LARP4B: variants seen among roughly 807,000 people sequenced by gnomAD.
The protein encoded by LARP4B is La ribonucleoprotein 4B.
A neutral mutation model predicts 89.8 loss-of-function variants in LARP4B; 12 were observed. The observed-to-expected ratio is 0.13, with a 90% CI of 0.09 to 0.22. The LOEUF is 0.22. LARP4B is among the 10% of genes least tolerant of loss of function. LARP4B has a pLI of 1.00. For missense variants in LARP4B, 757 were observed against 947.7 expected, an observed-to-expected ratio of 0.80 and a Z score of 2.64; for synonymous variants, 367 against 363.3, an observed-to-expected ratio of 1.01 and a Z score of -0.12.
chr10:896,287 A>T (rs1280851366), intron 1 of LARP4B, among the ~76,000 whole-genome samples: 2 of 152,220 alleles, frequency 1.3e-5, no homozygotes, highest in Admixed American at 6.5e-5. Context: ...TTTCACTCTT[A>T]TTCTCTCCTC....
intron 3 of LARP4B, among the ~76,000 whole-genome samples, chr10:882,119 T>TGGGCTGGGGGG (rs1835691730): frequency 6.6e-6 from 1 of 151,730 alleles, no homozygotes; most frequent in African/African-American, 2.4e-5. Flanking sequence ...GGGCTGGGGG[T>TGGGCTGGGGGG]TTAATGGGGT....
Position 814,431 on chromosome 10 carries a change from A to C in LARP4B, c.1929+311T>G, listed in dbSNP as rs1831911838. ...CACGCAAACATACACACACGCGCGA[A>C]ATGCTGAAATGATCCTAAAGTCTAT... is the stretch of plus-strand genomic sequence containing the variant. On this transcript the variant is annotated intron_variant, in intron 17 of 17. Coordinates refer to ENST00000316157, the MANE Select transcript of LARP4B (RefSeq NM_015155.3). The surrounding 1 kb of genome is among the most constrained non-coding windows in gnomAD (Gnocchi z 4.4). 1 of 425,470 alleles carries C rather than the reference A, an allele frequency of 2.4e-6. No individual in the cohort carries two copies. Among genetic ancestry groups the C allele is most frequent in the Non-Finnish European group, 4.6e-6 (1 of 219,236 alleles). The allele number at this position is 425,470 out of a possible 1,614,324, so 26.4% of individuals were successfully genotyped here.
chr10:807,264 A>G (rs994313564), downstream of LARP4B: 1 of 152,292 alleles, frequency 6.6e-6, no homozygotes, highest in Non-Finnish European at 1.5e-5. Flanking sequence ...GCGGCTGCCC[A>G]CACTTGTAAG....
At chr10:868,408 ACAG>A (rs1207592473) in intron 3 of LARP4B, among the ~76,000 whole-genome samples, 3 of 151,536 alleles carry the variant, frequency 2.0e-5, no homozygotes, top group African/African-American at 7.3e-5. Context: ...GACACCTGTA[ACAG>A]CACTTTGAAA....
At chr10:847,551 C>T (rs1186888175) in intron 5 of LARP4B, among the ~76,000 whole-genome samples, 1 of 151,362 alleles carries the variant, frequency 6.6e-6, no homozygotes, top group Non-Finnish European at 1.5e-5. Flanking sequence ...CGGAGCCTTG[C>T]TCTGTCACCC....
chr10:918,866 G>A (rs1273285534), intron 1 of LARP4B, among the ~76,000 whole-genome samples: 1 of 152,056 alleles, frequency 6.6e-6, no homozygotes, highest in African/African-American at 2.4e-5. Context: ...CACGAGGTCA[G>A]GAGATCGCAA....
At chr10:941,763 T>TTTTG in the LARP4B span, among the ~76,000 whole-genome samples, 1 of 152,066 alleles carries the variant, frequency 6.6e-6, no homozygotes, top group Non-Finnish European at 1.5e-5. Flanking sequence ...TTTTGTCTTT[T>TTTTG]TTTGTTTGTT....
intron 3 of LARP4B, among the ~76,000 whole-genome samples, chr10:867,903 TTGACTA>T (rs1834998262): frequency 6.7e-6 from 1 of 149,610 alleles, no homozygotes; most frequent in Non-Finnish European, 1.5e-5. Flanking sequence ...TGTCGTCTGC[TTGACTA>T]TAAGTCTTAT....
At chr10:893,493 T>A (rs1338728266) in intron 1 of LARP4B, among the ~76,000 whole-genome samples, 1 of 152,204 alleles carries the variant, frequency 6.6e-6, no homozygotes, top group Non-Finnish European at 1.5e-5. Context: ...CAGTACAGGC[T>A]TCCTTTGCAA....
At chr10:906,882 G>T (rs189857281) in intron 1 of LARP4B, among the ~76,000 whole-genome samples, 16 of 152,262 alleles carry the variant, frequency 1.1e-4, no homozygotes, top group Admixed American at 9.8e-4. Context: ...CAACTGAACT[G>T]AATTACCACC....
chr10:817,760 GC>G lies in LARP4B; in HGVS notation c.1659del (p.Arg553SerfsTer5). ...GATGGTCCTATTATCAAGCTAGATAGCCTGTTTTCAAACAAGTCCTCTGTCT... is the reference window on the plus strand; with the variant it reads ...GATGGTCCTATTATCAAGCTAGATAGCTGTTTTCAAACAAGTCCTCTGTCT... ...NLKTEDLFEN[R>X]LSSLIIGPSK... On this transcript the variant is annotated frameshift_variant, in exon 15 of 18. Coordinates refer to ENST00000316157, the MANE Select transcript of LARP4B (RefSeq NM_015155.3). LOFTEE classifies it high-confidence loss of function. 6.2e-7 allele frequency: 1 copy of G among 1,614,142 alleles called. No individual in the cohort carries two copies. Among genetic ancestry groups the G allele is most frequent in the Non-Finnish European group, 8.5e-7 (1 of 1,179,998 alleles).
At position 879,369 on chromosome 10, in the gene LARP4B, G is replaced by T. The variant is rs1460277139; in HGVS notation, c.141+5078C>A. On this transcript the variant is annotated intron_variant, in intron 3 of 17. Coordinates refer to ENST00000316157, the MANE Select transcript of LARP4B (RefSeq NM_015155.3). ...ACCAAGAACCGTGCATACACTCTGG[G>T]GGTAAATGGATTGTTTTGTCACTAA... 2.0e-5 allele frequency among the ~76,000 whole-genome samples: 3 copies of T among 152,226 alleles called. No homozygotes were observed. In the East Asian group the frequency reaches 5.8e-4, roughly 29 times the overall value.
At position 813,323 on chromosome 10, in the gene LARP4B, A is replaced by G; in HGVS notation, c.1930-110T>C. ...AGTTTTCAACTGTAACTAAGTTTCCATCTTCACTAGTGTTTTTAACTTTTA... is the reference window on the plus strand; with the variant it reads ...AGTTTTCAACTGTAACTAAGTTTCCGTCTTCACTAGTGTTTTTAACTTTTA... On this transcript the variant is annotated intron_variant, in intron 17 of 17. Coordinates refer to ENST00000316157, the MANE Select transcript of LARP4B (RefSeq NM_015155.3). 3 of 1,132,728 alleles carry G rather than the reference A, an allele frequency of 2.6e-6. No individual in the cohort carries two copies. In the South Asian group the frequency reaches 5.0e-5, roughly 19 times the overall value. 70.2% of individuals were successfully genotyped at this position (1,132,728 alleles called of 1,614,324 possible).
intron 1 of LARP4B, among the ~76,000 whole-genome samples, chr10:910,040 T>C (rs888130560): frequency 7.9e-5 from 12 of 152,180 alleles, no homozygotes; most frequent in African/African-American, 2.9e-4. Flanking sequence ...ACTTCTGTCA[T>C]GCCTCCCGCC....
At chr10:988,303 C>T in the LARP4B span, 1 of 617,868 alleles carries the variant, frequency 1.6e-6, no homozygotes, top group Non-Finnish European at 2.9e-6. Context: ...CCGTGGCTGA[C>T]CTCCAAGCCG....
upstream of LARP4B, among the ~76,000 whole-genome samples, chr10:935,376 G>T (rs1830736332): frequency 6.6e-6 from 1 of 152,156 alleles, no homozygotes; most frequent in Admixed American, 6.5e-5. Context: ...CCTCAAATGT[G>T]CTTCCTGTAC....
At chr10:963,974 A>T in the LARP4B span, among the ~76,000 whole-genome samples, 1 of 152,194 alleles carries the variant, frequency 6.6e-6, no homozygotes, top group East Asian at 1.9e-4. Flanking sequence ...CATAGCAGGG[A>T]GAATGTGGTA....
chr10:848,158 T>A (rs1588903764), intron 5 of LARP4B, among the ~76,000 whole-genome samples: 1 of 152,116 alleles, frequency 6.6e-6, no homozygotes, highest in South Asian at 2.1e-4. Context: ...GAGCCTGAAA[T>A]GGTTAACCCT....
At chr10:981,040 T>C in the LARP4B span, among the ~76,000 whole-genome samples, 426 of 152,356 alleles carry the variant, frequency 2.8e-3, 2 homozygotes, top group African/African-American at 9.8e-3. Flanking sequence ...TGCTTAGTAA[T>C]TTCTTCTGTC....
Sources: allele counts gnomAD v4.1 joint callset (sites outside exome capture counted in the v4.1 genomes callset), GRCh38; gene constraint gnomAD v4.1.1; non-coding constraint Gnocchi (gnomAD v3.1); transcripts MANE v1.5; gene names NCBI Gene and HGNC (gene_info 2026-07-23, HGNC 2026-07-21).